NRG1: variants seen among roughly 807,000 people sequenced by gnomAD.
NRG1 encodes neuregulin 1, also known as pro-neuregulin-1, membrane-bound isoform.
A neutral mutation model predicts 63.8 loss-of-function variants in NRG1; 18 were observed. That is an observed-to-expected ratio of 0.28 (90% CI 0.19 to 0.42). The LOEUF (loss-of-function observed/expected upper bound fraction) is 0.42, where lower values mean the gene tolerates loss of function less well. Ranked by LOEUF, NRG1 falls within the 10% of genes least tolerant of loss-of-function variation. The pLI is 1.00. For missense variants in NRG1, 762 were observed against 814.7 expected, an observed-to-expected ratio of 0.94 and a Z score of 0.79; for synonymous variants, 302 against 301.3, an observed-to-expected ratio of 1.00 and a Z score of -0.02.
chr8:32,377,924 C>A (rs1033533522), intron 1 of NRG1, among the ~76,000 whole-genome samples: 2 of 152,138 alleles, frequency 1.3e-5, no homozygotes, highest in African/African-American at 4.8e-5. Flanking sequence ...CTAGAACAAA[C>A]TCCCAGTAAA....
At chr8:32,164,118 C>G (rs1289024723) in intron 1 of NRG1, among the ~76,000 whole-genome samples, 1 of 151,994 alleles carries the variant, frequency 6.6e-6, no homozygotes, top group Non-Finnish European at 1.5e-5. Context: ...TCTTTATGTT[C>G]TGTTGCCTTC....
rs1381825845 is a variant in NRG1, at chr8:31,855,976, A to C, written c.37+216545A>C. Among the ~76,000 whole-genome samples the C allele has an allele frequency of 6.7e-3, 1,002 of 150,464 alleles. 11 individuals are homozygous for C. Among genetic ancestry groups the C allele is most frequent in the African/African-American group, 0.024 (961 of 40,688 alleles). On this transcript the variant is annotated intron_variant, in intron 1 of 10. Coordinates refer to the NRG1 transcript ENST00000519301. ...TCTGGCTTGTAGAGTTTCTGCCGAGAGATCTGCTGTTAGTCTGATGGGCTT... is the reference window on the plus strand; with the variant it reads ...TCTGGCTTGTAGAGTTTCTGCCGAGCGATCTGCTGTTAGTCTGATGGGCTT...
chr8:32,526,396 A>C (rs1298819657), intron 1 of NRG1, among the ~76,000 whole-genome samples: 1 of 152,198 alleles, frequency 6.6e-6, no homozygotes, highest in Non-Finnish European at 1.5e-5. Flanking sequence ...ACAAAATAGA[A>C]GTCACTATTT....
chr8:32,554,107 A>C (rs542441006), intron 1 of NRG1, among the ~76,000 whole-genome samples: 2 of 152,344 alleles, frequency 1.3e-5, no homozygotes, highest in South Asian at 2.1e-4. Flanking sequence ...CTGGTAGTTT[A>C]GTTAACCCTG....
intron 1 of NRG1, among the ~76,000 whole-genome samples, chr8:31,991,288 T>A (rs943048590): frequency 1.2e-4 from 18 of 151,472 alleles, no homozygotes; most frequent in African/African-American, 3.6e-4. Context: ...CGACAACAAC[T>A]TCTTCTTCTT....
chr8:32,213,455 C>T (rs1339117877), intron 1 of NRG1, among the ~76,000 whole-genome samples: 1 of 151,984 alleles, frequency 6.6e-6, no homozygotes, highest in Non-Finnish European at 1.5e-5. Flanking sequence ...ACACTGGGGC[C>T]TGTCGGGGAG....
intron 1 of NRG1, among the ~76,000 whole-genome samples, chr8:32,568,831 T>C (rs1364348937): frequency 6.6e-6 from 1 of 152,132 alleles, no homozygotes; most frequent in Admixed American, 6.5e-5. Flanking sequence ...TTAGCAAATG[T>C]GTCAAAACAA....
chr8:31,659,833 G>T (rs1585467992), intron 1 of NRG1, among the ~76,000 whole-genome samples: 1 of 152,242 alleles, frequency 6.6e-6, no homozygotes, highest in East Asian at 1.9e-4. Context: ...TCTTTTTGTA[G>T]CTACCAAAAA....
chr8:32,224,023 G>A (rs761581689), intron 1 of NRG1, among the ~76,000 whole-genome samples: 1 of 152,188 alleles, frequency 6.6e-6, no homozygotes, highest in Non-Finnish European at 1.5e-5. Context: ...AGGTCCTTCC[G>A]TTCATGTAAG....
At chr8:31,934,795 C>T (rs1835166361) in intron 1 of NRG1, among the ~76,000 whole-genome samples, 1 of 151,858 alleles carries the variant, frequency 6.6e-6, no homozygotes, top group South Asian at 2.1e-4. Context: ...CAATTAATTC[C>T]AGAATGTTAA....
intron 1 of NRG1, among the ~76,000 whole-genome samples, chr8:32,266,892 A>G (rs916806389): frequency 6.6e-6 from 1 of 151,168 alleles, no homozygotes; most frequent in Non-Finnish European, 1.5e-5. Flanking sequence ...AAAAAAAAAA[A>G]AAAAAAATTA....
intron 1 of NRG1, among the ~76,000 whole-genome samples, chr8:32,285,418 A>G (rs1477207142): frequency 1.3e-5 from 2 of 152,158 alleles, no homozygotes; most frequent in Admixed American, 6.5e-5. Flanking sequence ...AAAGCATACA[A>G]TTACAGGACC....
At chr8:32,138,819 C>T (rs1252617191) in intron 1 of NRG1, among the ~76,000 whole-genome samples, 2 of 152,070 alleles carry the variant, frequency 1.3e-5, no homozygotes, top group Non-Finnish European at 2.9e-5. Context: ...TCAAGTGATC[C>T]ACCCACCTCG....
chr8:32,438,634 G>A (rs754861579), intron 1 of NRG1, among the ~76,000 whole-genome samples: 2 of 152,088 alleles, frequency 1.3e-5, no homozygotes, highest in Non-Finnish European at 2.9e-5. Flanking sequence ...AATTAGATGT[G>A]CCATTTTATA....
intron 1 of NRG1, among the ~76,000 whole-genome samples, chr8:32,468,984 A>C (rs1823431799): frequency 6.6e-6 from 1 of 152,200 alleles, no homozygotes; most frequent in Non-Finnish European, 1.5e-5. Flanking sequence ...GGCAGAGTTT[A>C]TCCTTCCACT....
intron 1 of NRG1, among the ~76,000 whole-genome samples, chr8:31,709,907 T>A (rs1811569572): frequency 6.6e-6 from 1 of 151,944 alleles, no homozygotes; most frequent in Non-Finnish European, 1.5e-5. Context: ...GTATTTATTC[T>A]ATTTTTTCCC....
intron 1 of NRG1, among the ~76,000 whole-genome samples, chr8:31,688,911 C>T (rs1250708787): frequency 1.3e-5 from 2 of 152,194 alleles, no homozygotes; most frequent in Admixed American, 6.5e-5. Flanking sequence ...GGGCTAAAAT[C>T]AAGGTGTCAG....
At chr8:32,042,697 TAAAAG>T (rs1820264210) in intron 1 of NRG1, among the ~76,000 whole-genome samples, 1 of 151,344 alleles carries the variant, frequency 6.6e-6, no homozygotes, top group African/African-American at 2.4e-5. Flanking sequence ...AACAAAGAAA[TAAAAG>T]AAATACAGAC....
intron 1 of NRG1, among the ~76,000 whole-genome samples, chr8:31,844,118 A>G (rs979536510): frequency 2.0e-5 from 3 of 152,222 alleles, no homozygotes; most frequent in Non-Finnish European, 4.4e-5. Context: ...GTTCATTGTT[A>G]CAGAGTTGGA....
Sources: allele counts gnomAD v4.1 joint callset (sites outside exome capture counted in the v4.1 genomes callset), GRCh38; gene constraint gnomAD v4.1.1; transcripts MANE v1.5; gene names NCBI Gene and HGNC (gene_info 2026-07-23, HGNC 2026-07-21).